The following TTC38 variants were observed in gnomAD, a reference collection of about 807,000 sequenced individuals.
The protein encoded by TTC38 is tetratricopeptide repeat domain 38.
A neutral mutation model predicts 64.2 loss-of-function variants in TTC38; 64 were observed. That is an observed-to-expected ratio of 1.00 (90% confidence interval 0.81 to 1.23). The LOEUF (loss-of-function observed/expected upper bound fraction) is 1.23. Among genes scored for constraint, TTC38 ranks in the 50% most tolerant of loss-of-function variants. The probability of loss-of-function intolerance (pLI) is 0.00; values close to 1 mark genes in which losing one functional copy is unlikely to be tolerated. For synonymous variants in TTC38, 254 were observed against 249.3 expected, an observed-to-expected ratio of 1.02 and a Z score of -0.18; for missense variants, 573 against 615.5, an observed-to-expected ratio of 0.93 and a Z score of 0.73.
chr22:46,269,582 A>T (rs1282464355), intron 2 of TTC38, among the ~76,000 whole-genome samples: 1 of 152,212 alleles, frequency 6.6e-6, no homozygotes, highest in Non-Finnish European at 1.5e-5. Flanking sequence ...GACTTCATCC[A>T]CATAACAGGA....
Position 46,281,703 on chromosome 22 carries a change from A to G in TTC38, c.720A>G (p.Ser240=), listed in dbSNP as rs368458019. ...IKDGLEFMQH[S]ETFWKDSDML... is the part of the protein sequence containing the mutation. Reference sequence around the variant, plus strand: ...ATGGGTTGGAATTCATGCAGCACTCAGAGACCTTCTGGAAGGTATGATGCT... The same window carrying G: ...ATGGGTTGGAATTCATGCAGCACTCGGAGACCTTCTGGAAGGTATGATGCT... Residue 240 remains serine (S), a synonymous_variant, in exon 7 of 14, where the codon TCA becomes TCG. Transcript: ENST00000381031. The surrounding 1 kb of genome is among the most constrained non-coding windows in gnomAD (Gnocchi z 5.2). 5 of 1,613,992 alleles carry G rather than the reference A, an allele frequency of 3.1e-6. No homozygotes were observed. In the African/African-American group the frequency reaches 6.7e-5, roughly 22 times the overall value.
intron 9 of TTC38, 126 bp downstream of exon 9, chr22:46,285,405 C>T: frequency 1.1e-6 from 1 of 924,396 alleles, no homozygotes; most frequent in East Asian, 2.4e-5. Flanking sequence ...GAACACATTT[C>T]TTGTGTAAGG....
chr22:46,268,025 C>G lies in TTC38; in HGVS notation c.-15C>G, dbSNP rs750496594. The G allele has an allele frequency of 1.5e-5, 23 of 1,534,540 alleles. No homozygotes were observed. Among genetic ancestry groups the G allele is most frequent in the Middle Eastern group, 4.0e-4 (2 of 5,024 alleles). On this transcript the variant is annotated 5_prime_UTR_variant, in exon 1 of 14. Coordinates refer to ENST00000381031, the MANE Select transcript of TTC38 (RefSeq NM_017931.4). ...GGGTGCCCAGAGCTCGCGGTGGACT[C>G]CGACCCGGCGCAACATGGCCGCAGC... is the stretch of plus-strand genomic sequence containing the variant.
rs1936945141 is a variant in TTC38 at position 46,273,715 on chromosome 22, C to T, written c.194-183C>T. On this transcript the variant is annotated intron_variant, in intron 3 of 13. Coordinates refer to ENST00000381031, the MANE Select transcript of TTC38 (RefSeq NM_017931.4). This position sits in a 1 kb window ranked among gnomAD's most constrained non-coding sequence, Gnocchi z 5.1. ...AGGGTGCCTTTAGGCTTGCAGTTCC[C>T]TCCATGCTTGACAAGAGCCGAGGCT... is the stretch of plus-strand genomic sequence containing the variant. 6.6e-6 allele frequency among the ~76,000 whole-genome samples: 1 copy of T among 152,224 alleles called. No homozygotes were observed.
In TTC38 at chr22:46,271,186, C is replaced by T. The variant is rs574635220; in HGVS notation, c.112-1149C>T. The stretch of plus-strand genomic sequence containing the variant: ...GGGCTCCTCTTAGGGCAGAAGAAGC[C>T]GATGTGGAGCAGGTCACCTGTCAGG... On this transcript the variant is annotated intron_variant, in intron 2 of 13. Transcript: ENST00000381031. This position sits in a 1 kb window ranked among gnomAD's most constrained non-coding sequence, Gnocchi z 5.5. 6.6e-6 allele frequency among the ~76,000 whole-genome samples: 1 copy of T among 152,264 alleles called. No homozygotes were observed. Among genetic ancestry groups the T allele is most frequent in the Non-Finnish European group, 1.5e-5 (1 of 68,012 alleles).
In TTC38 at chr22:46,276,894, C is replaced by T. The variant is rs967714584; in HGVS notation, c.539+1473C>T. ...CACCGCAACACCTAGACTGGTGTTTCGCCAAACAGCTGAGCACCACGGGCC... is the reference window on the plus strand; with the variant it reads ...CACCGCAACACCTAGACTGGTGTTTTGCCAAACAGCTGAGCACCACGGGCC... On this transcript the variant is annotated intron_variant, in intron 5 of 13. Transcript: ENST00000381031. The surrounding 1 kb of genome is among the most constrained non-coding windows in gnomAD (Gnocchi z 4.7). 4.1e-5 allele frequency among the ~76,000 whole-genome samples: 6 copies of T among 147,592 alleles called. No individual in the cohort carries two copies. The highest frequency in any genetic ancestry group is 3.9e-4 in the East Asian group (2 of 5,136).
intron 10 of TTC38, 118 bp from the exon 11 acceptor site, chr22:46,288,305 C>T: frequency 9.3e-7 from 1 of 1,072,370 alleles, no homozygotes; most frequent in Non-Finnish European, 1.4e-6. Flanking sequence ...CCTCCCCGGC[C>T]TCTCACCTGG....
chr22:46,278,574 T>C lies in TTC38; in HGVS notation c.540-12T>C. Reference sequence around the variant, plus strand: ...TCATTTTGTATTCTGAGATCTTTTTTTCTGTTTTTAGCTATGTGAAAGGCA... The same window carrying C: ...TCATTTTGTATTCTGAGATCTTTTTCTCTGTTTTTAGCTATGTGAAAGGCA... On this transcript the variant is annotated splice_polypyrimidine_tract_variant and intron_variant, in intron 5 of 13. Transcript: ENST00000381031. The C allele has an allele frequency of 3.1e-6, 5 of 1,611,880 alleles. No individual in the cohort carries two copies. Among genetic ancestry groups the C allele is most frequent in the Non-Finnish European group, 4.2e-6 (5 of 1,178,016 alleles).
intron 2 of TTC38, among the ~76,000 whole-genome samples, chr22:46,269,869 T>G (rs1443935385): frequency 6.6e-6 from 1 of 152,232 alleles, no homozygotes; most frequent in Non-Finnish European, 1.5e-5. Flanking sequence ...CTTGACTCAC[T>G]GCAAACTCTG....
At position 46,291,315 on chromosome 22, in the gene TTC38, A is replaced by G. The variant is rs73886791; in HGVS notation, c.1316+1416A>G. Among the ~76,000 whole-genome samples, 38,757 of 151,964 alleles carry G rather than the reference A, an allele frequency of 0.26. 8,370 individuals carry two copies. Among genetic ancestry groups the G allele is most frequent in the African/African-American group, 0.59 (24,463 of 41,392 alleles). On this transcript the variant is annotated intron_variant, in intron 13 of 13. Transcript: ENST00000381031. This position sits in a 1 kb window ranked among gnomAD's most constrained non-coding sequence, Gnocchi z 4.6. Reference sequence around the variant, plus strand: ...GGCTGTGTGGACAGGAGGGCTGAGGATGGAGCTGGGGTGACATCTGTGGGG... The same window carrying G: ...GGCTGTGTGGACAGGAGGGCTGAGGGTGGAGCTGGGGTGACATCTGTGGGG...
chr22:46,290,614 TAGG>T lies in TTC38; in HGVS notation c.1316+719_1316+721del, dbSNP rs766576182. Among the ~76,000 whole-genome samples the T allele has an allele frequency of 2.2e-3, 225 of 103,048 alleles. 7 individuals carry two copies. Among genetic ancestry groups the T allele is most frequent in the African/African-American group, 8.3e-3 (170 of 20,560 alleles). 67.6% of individuals were successfully genotyped at this position (103,048 alleles called of 152,430 possible). A position where few individuals can be genotyped will look rare whatever the true frequency, so the allele number is the denominator to read the frequency against. On this transcript the variant is annotated intron_variant, in intron 13 of 13. Coordinates refer to ENST00000381031, the MANE Select transcript of TTC38 (RefSeq NM_017931.4). ...GGTGGCGTGGCTGGAGGGTGAGTGT[TAGG>T]AGGGTGGCGTGGCTGGAAGGTGTGT...
Position 46,287,562 on chromosome 22 carries a change from C to T in TTC38, c.916+408C>T, listed in dbSNP as rs181187918. Among the ~76,000 whole-genome samples the T allele has an allele frequency of 6.6e-5, 10 of 152,358 alleles. No homozygotes were observed. The East Asian group carries it at 1.5e-3, about 24-fold the overall frequency. ...ACTCCCTGGGATTGTAGACAGGTTT[C>T]TCAACCTTGTCATGCTCTGCAGGTA... On this transcript the variant is annotated intron_variant, in intron 10 of 13. Coordinates refer to ENST00000381031, the MANE Select transcript of TTC38 (RefSeq NM_017931.4).
At chr22:46,278,121 G>A (rs770131492) in intron 5 of TTC38, among the ~76,000 whole-genome samples, 4 of 152,206 alleles carry the variant, frequency 2.6e-5, no homozygotes, top group Non-Finnish European at 4.4e-5. Context: ...AGTCTCCTGC[G>A]GTTGCTGTAG....
rs888188180 is a variant in TTC38 at position 46,290,536 on chromosome 22, CGTGGCTGGAGGGTGTTAGGAGGGTGGT to C, written c.1316+652_1316+678del. Among the ~76,000 whole-genome samples, 69 of 120,842 alleles carry C rather than the reference CGTGGCTGGAGGGTGTTAGGAGGGTGGT, an allele frequency of 5.7e-4. 2 individuals are homozygous for C. Among genetic ancestry groups the C allele is most frequent in the East Asian group, 5.7e-3 (27 of 4,776 alleles). The allele number at this position is 120,842 out of a possible 152,430, so 79.3% of individuals were successfully genotyped here. A position where few individuals can be genotyped will look rare whatever the true frequency, so the allele number is the denominator to read the frequency against. On this transcript the variant is annotated intron_variant, in intron 13 of 13. Coordinates refer to ENST00000381031, the MANE Select transcript of TTC38 (RefSeq NM_017931.4). ...CTGGAGGGTGAGTGTGTTAGGGCAG[CGTGGCTGGAGGGTGTTAGGAGGGTGGT>C]GTGGCTGGAGGGTGAGTGTTAGGAG... is the stretch of plus-strand genomic sequence containing the variant.
chr22:46,268,668 T>C, intron 2 of TTC38, 77 bp downstream of exon 2: 1 of 737,266 alleles, frequency 1.4e-6, no homozygotes, highest in East Asian at 2.7e-5. Context: ...AAAGCTGTTT[T>C]TTTGTTTTGT....
chr22:46,287,241 C>T, intron 10 of TTC38, 87 bp downstream of exon 10: 2 of 1,269,932 alleles, frequency 1.6e-6, no homozygotes, highest in South Asian at 2.8e-5. Flanking sequence ...CAGGGTTGGG[C>T]AAGAGCTCAT....
chr22:46,290,586 G>A (rs2077607886), intron 13 of TTC38, among the ~76,000 whole-genome samples: 1 of 120,120 alleles, frequency 8.3e-6, no homozygotes, highest in Admixed American at 7.4e-5. Context: ...TGAGTGTTAG[G>A]AGGGTGGCGT....
Position 46,273,516 on chromosome 22 carries a change from G to A in TTC38, c.194-382G>A, listed in dbSNP as rs1936940495. ...ACTTCTGTGCTCCGGGGCCTCCTTG[G>A]TCCAGCCCCTTATGAGCAGCATCCA... On this transcript the variant is annotated intron_variant, in intron 3 of 13. Coordinates refer to ENST00000381031, the MANE Select transcript of TTC38 (RefSeq NM_017931.4). This position sits in a 1 kb window ranked among gnomAD's most constrained non-coding sequence, Gnocchi z 5.1. Among the ~76,000 whole-genome samples the A allele has an allele frequency of 1.3e-5, 2 of 152,210 alleles. No individual in the cohort carries two copies. Among genetic ancestry groups the A allele is most frequent in the Admixed American group, 1.3e-4 (2 of 15,282 alleles).
intron 5 of TTC38, 93 bp from the exon 6 acceptor site, chr22:46,278,493 C>A: frequency 9.5e-7 from 1 of 1,055,262 alleles, no homozygotes; most frequent in Non-Finnish European, 1.5e-6. Flanking sequence ...CCAGTGCTGG[C>A]AGTTAGGACC....
Sources: allele counts gnomAD v4.1 joint callset (sites outside exome capture counted in the v4.1 genomes callset), GRCh38; gene constraint gnomAD v4.1.1; non-coding constraint Gnocchi (gnomAD v3.1); transcripts MANE v1.5; gene names NCBI Gene and HGNC (gene_info 2026-07-23, HGNC 2026-07-21).